Variants in HYDIN observed in about 807,000 individuals in gnomAD.
HYDIN encodes the protein axonemal central pair apparatus protein HYDIN.
In HYDIN, 132 loss-of-function variants were observed where a neutral mutation model predicts 403.9. That is an observed-to-expected ratio of 0.33 (90% CI 0.28 to 0.38). HYDIN has a LOEUF of 0.38. HYDIN is among the 10% of genes least tolerant of loss of function. HYDIN has a pLI of 1.00. For missense variants in HYDIN, 2,827 were observed against 5,009.5 expected, an observed-to-expected ratio of 0.56 and a Z score of 13.15; for synonymous variants, 1,202 against 1,891.7, an observed-to-expected ratio of 0.64 and a Z score of 9.46.
intron 45 of HYDIN, among the ~76,000 whole-genome samples, chr16:70,925,083 G>A (rs2077108141): frequency 6.6e-6 from 1 of 152,082 alleles, no homozygotes. Context: ...AAGGTTTCTA[G>A]TGCTCCTAGC....
In HYDIN at chr16:70,859,436, G is replaced by A. The variant is rs561879762; in HGVS notation, c.12129+632C>T. ...CTGTGGCCAGTGGCCCTGGTACCCT[G>A]TATTACCCACAAATGTCTCCTTGGC... On this transcript the variant is annotated intron_variant, in intron 71 of 85. Transcript: ENST00000393567. Among the ~76,000 whole-genome samples, 3 of 152,330 alleles carry A rather than the reference G, an allele frequency of 2.0e-5. No individual in the cohort carries two copies. The South Asian group carries it at 6.2e-4, about 32-fold the overall frequency.
At chr16:71,002,214 T>C (rs1597509124) in intron 23 of HYDIN, among the ~76,000 whole-genome samples, 1 of 152,226 alleles carries the variant, frequency 6.6e-6, no homozygotes, top group East Asian at 1.9e-4. Flanking sequence ...AGATTACGGA[T>C]AGTTTCACTA....
rs1235201682 is a variant in HYDIN at position 71,028,018 on chromosome 16, G to C, written c.2769-143C>G. 58 of 539,176 alleles carry C rather than the reference G, an allele frequency of 1.1e-4. No individual in the cohort carries two copies. In the East Asian group the frequency reaches 1.9e-3, roughly 18 times the overall value. 33.4% of individuals were successfully genotyped at this position (539,176 alleles called of 1,614,324 possible). A position where few individuals can be genotyped will look rare whatever the true frequency, so the allele number is the denominator to read the frequency against. ...TTTTTTTTTTTTTTAAATGTAGGAAGACTAAGTCACGATGCCACTAGGAAC... is the reference window on the plus strand; with the variant it reads ...TTTTTTTTTTTTTTAAATGTAGGAACACTAAGTCACGATGCCACTAGGAAC... On this transcript the variant is annotated intron_variant, in intron 19 of 85. Coordinates refer to ENST00000393567, the MANE Select transcript of HYDIN (RefSeq NM_001270974.2).
chr16:71,178,087 G>A (rs1273707981), intron 4 of HYDIN, among the ~76,000 whole-genome samples: 3 of 152,042 alleles, frequency 2.0e-5, no homozygotes, highest in Non-Finnish European at 2.9e-5. Flanking sequence ...CTTTTAAAAA[G>A]GTACAATTTG....
At position 70,807,825 on chromosome 16, in the gene HYDIN, G is replaced by T. The variant is rs541573051; in HGVS notation, c.15121C>A (p.Pro5041Thr). The change falls in exon 86 of 86, where the codon CCC becomes ACC. Residue 5041 changes from proline to threonine, a missense_variant. Pro to Thr is a conservative substitution (Grantham distance 38, BLOSUM62 -1). Transcript: ENST00000393567. ...SIRAGYSIIIPFKNVFYHMVT... is the reference protein window; with the variant it reads ...SIRAGYSIIITFKNVFYHMVT... ...ATGTGATAGAAGACATTCTTGAAGG[G>T]GATGATTATGCTGTACCCGGCTCGG... is the stretch of plus-strand genomic sequence containing the variant. 1 of 1,614,166 alleles carries T rather than the reference G, an allele frequency of 6.2e-7. No homozygotes were observed. Among genetic ancestry groups the T allele is most frequent in the South Asian group, 1.1e-5 (1 of 91,084 alleles).
intron 83 of HYDIN, among the ~76,000 whole-genome samples, chr16:70,825,128 A>G (rs2036512438): frequency 6.6e-6 from 1 of 152,188 alleles, no homozygotes. Context: ...CTGGAAAAAG[A>G]GTTCTAGATT....
intron 7 of HYDIN, among the ~76,000 whole-genome samples, chr16:71,145,474 C>T (rs1045118437): frequency 4.6e-5 from 7 of 152,204 alleles, no homozygotes; most frequent in African/African-American, 1.7e-4. Context: ...AGGATGGTCT[C>T]GATCTTCTGA....
At chr16:71,090,483 T>C (rs1259989348) in intron 11 of HYDIN, 1 of 152,206 alleles carries the variant, frequency 6.6e-6, no homozygotes, top group Non-Finnish European at 1.5e-5. Flanking sequence ...GAGACTGTTA[T>C]GTTTTCGTTT....
chr16:71,181,766 G>A (rs367994204), intron 3 of HYDIN, among the ~76,000 whole-genome samples: 8 of 152,082 alleles, frequency 5.3e-5, no homozygotes, highest in East Asian at 1.9e-4. Flanking sequence ...CATGTGCCAC[G>A]TTCTTTTTTG....
intron 1 of HYDIN, among the ~76,000 whole-genome samples, chr16:71,200,071 C>T (rs148192689): frequency 6.6e-6 from 1 of 152,166 alleles, no homozygotes; most frequent in East Asian, 1.9e-4. Context: ...GACCTCTGGT[C>T]GTCTTCACTG....
At chr16:70,924,908 C>A (rs113196329) in intron 45 of HYDIN, among the ~76,000 whole-genome samples, 1 of 138,544 alleles carries the variant, frequency 7.2e-6, no homozygotes, top group Non-Finnish European at 1.6e-5. Flanking sequence ...TGGCGGCACA[C>A]GTTTACCTAT....
rs755338143 is a variant in HYDIN at position 70,809,904 on chromosome 16, A to G, written c.14762T>C (p.Leu4921Pro). The G allele has an allele frequency of 6.2e-7, 1 of 1,614,208 alleles. No homozygotes were observed. Among genetic ancestry groups the G allele is most frequent in the Non-Finnish European group, 8.5e-7 (1 of 1,180,022 alleles). ...TTCCGGAAGTGCTGGCGTGGCTTTC[A>G]GATAGAGCTCATATTGGTAGTAACC... Reference protein sequence around the residue: ...DLGYYQYELYLKATPALPEKP... With the variant: ...DLGYYQYELYPKATPALPEKP... The change falls in exon 85 of 86, where the codon CTG becomes CCG. Residue 4921 changes from leucine (L) to proline (P), a missense_variant. Physicochemically the swap from Leu to Pro is moderately conservative, Grantham distance 98. Transcript: ENST00000393567.
intron 62 of HYDIN, 95 bp downstream of exon 62, chr16:70,879,202 C>T (rs570813351): frequency 7.5e-5 from 64 of 848,260 alleles, no homozygotes; most frequent in Admixed American, 4.9e-4. Context: ...ACAGAGAAGT[C>T]CTCATACATT....
At chr16:70,840,707 C>A (rs979512003) in intron 75 of HYDIN, among the ~76,000 whole-genome samples, 2 of 152,180 alleles carry the variant, frequency 1.3e-5, no homozygotes, top group Non-Finnish European at 2.9e-5. Flanking sequence ...TGGGGAAGTT[C>A]TTTGCCTTCA....
chr16:70,931,450 T>C (rs1169810377), intron 45 of HYDIN, among the ~76,000 whole-genome samples: 1 of 152,132 alleles, frequency 6.6e-6, no homozygotes, highest in Non-Finnish European at 1.5e-5. Context: ...GCTACGCAAC[T>C]GCTTACAGCC....
In HYDIN at chr16:70,892,412, G is replaced by T; in HGVS notation, c.9366C>A (p.Phe3122Leu). 6.3e-7 allele frequency: 1 copy of T among 1,595,718 alleles called. No individual in the cohort carries two copies. Among genetic ancestry groups the T allele is most frequent in the Non-Finnish European group, 8.5e-7 (1 of 1,171,806 alleles). The change falls in exon 56 of 86, where the codon TTC becomes TTA. Residue 3122 changes from phenylalanine (F) to leucine (L), a missense_variant. Transcript: ENST00000393567. ...CAATCTTCACTTCCTTTTTTGCATG[G>T]AAGAAAACTTGGACATTTGTGGGTT... ...TEKPTNVQVF[F>L]HAKKEVKIEH...
rs2035045251 is a variant in HYDIN, at chr16:70,804,960, A to T, written c.*2620T>A. On this transcript the variant is annotated 3_prime_UTR_variant, in exon 86 of 86. Transcript: ENST00000393567. ...GCCATGCTGGGGCTGGTGGCATGTTAGACAAGATTTCAGACAGCTTCTTCC... is the reference window on the plus strand; with the variant it reads ...GCCATGCTGGGGCTGGTGGCATGTTTGACAAGATTTCAGACAGCTTCTTCC... Among the ~76,000 whole-genome samples the T allele has an allele frequency of 6.6e-6, 1 of 152,224 alleles. No homozygotes were observed. The highest frequency in any genetic ancestry group is 1.5e-5 in the Non-Finnish European group (1 of 68,040).
intron 37 of HYDIN, among the ~76,000 whole-genome samples, 159 bp downstream of exon 37, chr16:70,964,569 C>T (rs1346543770): frequency 2.3e-3 from 344 of 149,860 alleles, no homozygotes; most frequent in African/African-American, 7.7e-3. Context: ...GGGGATAACG[C>T]GACCCATTTT....
chr16:70,926,266 G>C (rs1228797197), intron 45 of HYDIN, among the ~76,000 whole-genome samples: 1 of 152,012 alleles, frequency 6.6e-6, no homozygotes, highest in African/African-American at 2.4e-5. Flanking sequence ...AGACACCATG[G>C]AATACTATGC....
Sources: gnomAD v4.1 joint callset for allele counts (sites outside exome capture counted in the v4.1 genomes callset) on GRCh38, gnomAD v4.1.1 for gene constraint, MANE v1.5 for transcripts, NCBI Gene and HGNC (gene_info 2026-07-23, HGNC 2026-07-21) for gene names.